Variants in RPS3A observed in about 807,000 individuals in gnomAD.
RPS3A encodes small ribosomal subunit protein eS1.
In RPS3A, 1 loss-of-function variant was observed where a neutral mutation model predicts 26.4. The ratio of observed to expected loss-of-function variants is 0.04; its 90% confidence interval spans 0.01 to 0.18. The LOEUF (loss-of-function observed/expected upper bound fraction) is 0.18. Ranked by LOEUF, RPS3A falls within the 10% of genes least tolerant of loss-of-function variation. RPS3A has a pLI of 1.00. For synonymous variants in RPS3A, 97 were observed against 106.1 expected, an observed-to-expected ratio of 0.91 and a Z score of 0.53; for missense variants, 139 against 326.8, an observed-to-expected ratio of 0.43 and a Z score of 4.43.
At position 151,104,261 on chromosome 4, in the gene RPS3A, A is replaced by G; in HGVS notation, c.648A>G (p.Lys216=). 1 of 1,613,104 alleles carries G rather than the reference A, an allele frequency of 6.2e-7. No individual in the cohort carries two copies. The highest frequency in any genetic ancestry group is 8.5e-7 in the Non-Finnish European group (1 of 1,179,818). The stretch of plus-strand genomic sequence containing the variant: ...ATGATGTCTTCGTTAGAAAAGTAAA[A>G]ATGCTGAAGAAGCCCAAGTTTGAAT... ...PLHDVFVRKV[K]MLKKPKFELG... The change falls in exon 5 of 6, where the codon AAA becomes AAG. Residue 216 remains lysine, a synonymous_variant. Transcript: ENST00000274065.
chr4:151,102,804 A>G (rs1230088427), intron 3 of RPS3A, 67 bp from the exon 4 acceptor site: 18 of 1,505,822 alleles, frequency 1.2e-5, no homozygotes, highest in Non-Finnish European at 1.6e-5. Context: ...GCTTTTTAAA[A>G]TTAGAACTTG....
chr4:151,103,326 T>G (rs1747214262), intron 4 of RPS3A: 1 of 705,754 alleles, frequency 1.4e-6, no homozygotes, highest in African/African-American at 1.8e-5. Flanking sequence ...CCTCCTTGGC[T>G]CACTGTAACC....
intron 1 of RPS3A, among the ~76,000 whole-genome samples, chr4:151,100,230 T>C (rs574284660): frequency 6.6e-6 from 1 of 152,294 alleles, no homozygotes; most frequent in Non-Finnish European, 1.5e-5. Context: ...ATGCATGTTA[T>C]TCTAAGTGCC....
In RPS3A at chr4:151,102,968, G is replaced by T. The variant is rs775792276; in HGVS notation, c.452G>T (p.Arg151Leu). The T allele has an allele frequency of 1.2e-6, 2 of 1,607,514 alleles. No homozygotes were observed. The highest frequency in any genetic ancestry group is 1.7e-6 in the Non-Finnish European group (2 of 1,179,472). Residue 151 changes from arginine to leucine, a missense_variant, in exon 4 of 6, where the codon CGG becomes CTG. This residue lies in a region of RPS3A where 96 missense variants were observed against 209.8 expected (regional missense o/e 0.46). Transcript: ENST00000274065. Reference sequence around the variant, plus strand: ...ACTAAAAAACGCAACAATCAGATACGGAAGACCTCTTATGCTCAGCACCAA... The same window carrying T: ...ACTAAAAAACGCAACAATCAGATACTGAAGACCTCTTATGCTCAGCACCAA... ...GFTKKRNNQI[R>L]KTSYAQHQQV...
intron 2 of RPS3A, 150 bp downstream of exon 2, chr4:151,100,738 T>TA (rs1405948296): frequency 3.1e-6 from 2 of 643,700 alleles, no homozygotes; most frequent in Non-Finnish European, 5.5e-6. Context: ...TGATCATTTT[T>TA]AGTACAGCAC....
chr4:151,100,158 A>G (rs145321816), intron 1 of RPS3A, among the ~76,000 whole-genome samples: 3 of 152,344 alleles, frequency 2.0e-5, no homozygotes, highest in Admixed American at 6.5e-5. Flanking sequence ...AGTACATGCC[A>G]TTACGTGCCA....
In RPS3A at chr4:151,104,002, A is replaced by G. The variant is rs202047086; in HGVS notation, c.564-175A>G. 6.7e-5 allele frequency: 101 copies of G among 1,503,446 alleles called. No individual in the cohort carries two copies. In the East Asian group the frequency reaches 1.6e-3, roughly 24 times the overall value. The allele number at this position is 1,503,446 out of a possible 1,614,324, so 93.1% of individuals were successfully genotyped here. A position where few individuals can be genotyped will look rare whatever the true frequency, so the allele number is the denominator to read the frequency against. On this transcript the variant is annotated intron_variant, in intron 4 of 5. Transcript: ENST00000274065. ...GCTAGCTATGTAATTCAGATCATCT[A>G]TCCTTTACATGTGAAAGGTAAATAA...
At chr4:151,104,443 T>TTTG (rs1554025674) in intron 5 of RPS3A, 29 bp from the exon 6 acceptor site, 9 of 1,289,032 alleles carry the variant, frequency 7.0e-6, no homozygotes, top group South Asian at 1.8e-5. Context: ...TTTTTGGTTT[T>TTTG]TTTTTTTTTT....
chr4:151,101,300 T>A, intron 3 of RPS3A, 138 bp downstream of exon 3: 1 of 534,676 alleles, frequency 1.9e-6, no homozygotes. Context: ...CATTTTAAAT[T>A]TTTGTTTTCT....
At position 151,103,907 on chromosome 4, in the gene RPS3A, G is replaced by A. The variant is rs1388564105; in HGVS notation, c.564-270G>A. The A allele has an allele frequency of 2.7e-6, 4 of 1,480,040 alleles. No individual in the cohort carries two copies. The African/African-American group carries it at 5.5e-5, about 20-fold the overall frequency. 91.7% of individuals were successfully genotyped at this position (1,480,040 alleles called of 1,614,324 possible). ...TTCTGATGTTCCCATGCAATATACA[G>A]TTAGCTAAGAGGGTGTAATGGAAAA... On this transcript the variant is annotated intron_variant, in intron 4 of 5. Coordinates refer to ENST00000274065, the MANE Select transcript of RPS3A (RefSeq NM_001006.5).
At chr4:151,103,719 T>A in intron 4 of RPS3A, 1 of 1,107,702 alleles carries the variant, frequency 9.0e-7, no homozygotes, top group African/African-American at 1.6e-5. Flanking sequence ...CTGGGCAATA[T>A]AGGGAGACCC....
intron 1 of RPS3A, 45 bp downstream of exon 1, chr4:151,099,759 G>A (rs2149702577): frequency 6.4e-7 from 1 of 1,568,580 alleles, no homozygotes; most frequent in South Asian, 1.1e-5. Context: ...GGGGTCTGCT[G>A]GAATCGGCGG....
Position 151,100,958 on chromosome 4 carries a change from GTTTT to G in RPS3A, c.167-13_167-10del. 6.4e-7 allele frequency: 1 copy of G among 1,555,954 alleles called. No individual in the cohort carries two copies. The highest frequency in any genetic ancestry group is 8.7e-7 in the Non-Finnish European group (1 of 1,150,012). Reference sequence around the variant, plus strand: ...ATGGTTCCTAAATGTTAAGATACTTGTTTTTTTCTTTTGTAGAAATTGCATCTGA... The same window carrying G: ...ATGGTTCCTAAATGTTAAGATACTTGTTTCTTTTGTAGAAATTGCATCTGA... On this transcript the variant is annotated splice_polypyrimidine_tract_variant and intron_variant, in intron 2 of 5. Coordinates refer to ENST00000274065, the MANE Select transcript of RPS3A (RefSeq NM_001006.5).
chr4:151,103,105 CA>C, intron 4 of RPS3A, 26 bp downstream of exon 4: 1 of 1,586,928 alleles, frequency 6.3e-7, no homozygotes, highest in Non-Finnish European at 8.5e-7. Context: ...CTTCCTCACA[CA>C]ACACAACCTT....
chr4:151,102,070 A>G (rs1747141746), intron 3 of RPS3A: 1 of 518,402 alleles, frequency 1.9e-6, no homozygotes, highest in East Asian at 5.5e-5. Flanking sequence ...GAATGATGAC[A>G]AAATGTTTCA....
In RPS3A at chr4:151,104,462, T is replaced by G. The variant is rs1747281888; in HGVS notation, c.674-10T>G. 4 of 1,444,228 alleles carry G rather than the reference T, an allele frequency of 2.8e-6. No individual in the cohort carries two copies. In the East Asian group the frequency reaches 1.0e-4, roughly 37 times the overall value. 89.5% of individuals were successfully genotyped at this position (1,444,228 alleles called of 1,614,324 possible). A position where few individuals can be genotyped will look rare whatever the true frequency, so the allele number is the denominator to read the frequency against. On this transcript the variant is annotated splice_polypyrimidine_tract_variant and intron_variant, in intron 5 of 5. Coordinates refer to ENST00000274065, the MANE Select transcript of RPS3A (RefSeq NM_001006.5). Reference sequence around the variant, plus strand: ...TGGTTTTTTTTTTTTTTTTTTTTTTTGCCTTTTAGTGGGAAAGCTCATGGA... The same window carrying G: ...TGGTTTTTTTTTTTTTTTTTTTTTTGGCCTTTTAGTGGGAAAGCTCATGGA...
At chr4:151,102,526 T>C (rs1747170780) in intron 3 of RPS3A, among the ~76,000 whole-genome samples, 1 of 151,796 alleles carries the variant, frequency 6.6e-6, no homozygotes, top group Admixed American at 6.6e-5. Flanking sequence ...TATTTTCCTC[T>C]GGTGTAGTTT....
rs748439307 is a variant in RPS3A at position 151,099,721 on chromosome 4, C to G, written c.62+7C>G. The G allele has an allele frequency of 6.2e-7, 1 of 1,610,992 alleles. No individual in the cohort carries two copies. Among genetic ancestry groups the G allele is most frequent in the East Asian group, 2.2e-5 (1 of 44,712 alleles). On this transcript the variant is annotated splice_region_variant and intron_variant, in intron 1 of 5. Coordinates refer to ENST00000274065, the MANE Select transcript of RPS3A (RefSeq NM_001006.5). The stretch of plus-strand genomic sequence containing the variant: ...AGGGAGCCAAGAAGAAAGTGTAAGT[C>G]GCGACTGTCGTGGCGTCTTGCTTTT...
chr4:151,104,441 T>TTG, intron 5 of RPS3A, 31 bp from the exon 6 acceptor site: 2 of 1,121,036 alleles, frequency 1.8e-6, no homozygotes, highest in East Asian at 8.1e-5. Context: ...GTTTTTTGGT[T>TTG]TTTTTTTTTT....
Sources: gnomAD v4.1 joint callset for allele counts (sites outside exome capture counted in the v4.1 genomes callset) on GRCh38, gnomAD v4.1.1 for gene constraint, gnomAD v4.1.1 regional missense constraint, MANE v1.5 for transcripts, NCBI Gene and HGNC (gene_info 2026-07-23, HGNC 2026-07-21) for gene names.